Variants in SORCS2 observed in about 807,000 individuals in gnomAD.
The protein encoded by SORCS2 is sortilin related VPS10 domain containing receptor 2, also known as VPS10 domain-containing receptor SorCS2.
A neutral mutation model predicts 141.6 loss-of-function variants in SORCS2; 100 were observed. The observed-to-expected ratio is 0.71, with a 90% confidence interval of 0.60 to 0.83. The LOEUF (loss-of-function observed/expected upper bound fraction) is 0.83, where lower values mean the gene tolerates loss of function less well. SORCS2 is among the 40% of genes least tolerant of loss of function. The probability of loss-of-function intolerance (pLI) is 0.00; values close to 1 mark genes in which losing one functional copy is unlikely to be tolerated. For missense variants in SORCS2, 1,646 were observed against 1,560.2 expected (o/e 1.05, Z -0.93); for synonymous variants, 789 against 676.9 (o/e 1.17, Z -2.57).
intron 2 of SORCS2, among the ~76,000 whole-genome samples, chr4:7,527,074 G>A (rs1023045436): frequency 3.3e-5 from 5 of 152,146 alleles, no homozygotes; most frequent in Non-Finnish European, 5.9e-5. Context: ...CCGACAATGC[G>A]GGTCCAGCCC....
intron 3 of SORCS2, among the ~76,000 whole-genome samples, chr4:7,619,212 A>G (rs989231531): frequency 2.6e-5 from 4 of 152,196 alleles, no homozygotes; most frequent in African/African-American, 7.2e-5. Flanking sequence ...AGGCTACCCA[A>G]TACTTAGCTA....
At chr4:7,638,307 A>G (rs761728278) in intron 3 of SORCS2, 21 bp from the exon 4 acceptor site, 1 of 1,496,684 alleles carries the variant, frequency 6.7e-7, no homozygotes, top group East Asian at 2.6e-5. Flanking sequence ...CCCAGGCCTC[A>G]CAACCCGCTT....
intron 3 of SORCS2, among the ~76,000 whole-genome samples, chr4:7,637,936 G>A (rs1383034124): frequency 2.0e-5 from 3 of 152,054 alleles, no homozygotes; most frequent in Admixed American, 2.0e-4. Context: ...CCTCCCTGGT[G>A]TGTGGAGAAA....
At chr4:7,712,651 T>G (rs943944272) in intron 14 of SORCS2, 82 bp from the exon 15 acceptor site, 22 of 1,578,492 alleles carry the variant, frequency 1.4e-5, no homozygotes, top group Non-Finnish European at 1.8e-5. Flanking sequence ...AGGAACAGAG[T>G]CCAGAGGGGA....
chr4:7,569,542 A>G (rs997941556), intron 3 of SORCS2, among the ~76,000 whole-genome samples: 1 of 152,134 alleles, frequency 6.6e-6, no homozygotes, highest in East Asian at 1.9e-4. Flanking sequence ...ATATCTACAG[A>G]AGGAGGAGGA....
rs780225695 is a variant in SORCS2 at position 7,715,228 on chromosome 4, C to T, written c.2169C>T (p.Asn723=). ...ERSSSSESST[N]KCSANFWFNP... is the part of the protein sequence containing the mutation. ...CCTCCTCCTCAGAGTCCAGCACCAA[C>T]AAGTGCTCTGCCAACTTCTGGTTTA... is the stretch of plus-strand genomic sequence containing the variant. Residue 723 remains asparagine, a synonymous_variant, in exon 17 of 27, where the codon AAC becomes AAT. Transcript: ENST00000507866. 3 of 1,613,912 alleles carry T rather than the reference C, an allele frequency of 1.9e-6. No individual in the cohort carries two copies. The African/African-American group carries it at 4.0e-5, about 22-fold the overall frequency.
chr4:7,724,459 GTGGTGGTGATGGTGA>G (rs1216520158), intron 19 of SORCS2, among the ~76,000 whole-genome samples: 15 of 114,416 alleles, frequency 1.3e-4, no homozygotes, highest in Admixed American at 9.2e-4. Context: ...GGTGGTGATG[GTGGTGGTGATGGTGA>G]TGGTGGTGAT....
chr4:7,708,439 C>T lies in SORCS2; in HGVS notation c.1868+4155C>T, dbSNP rs181405410. Among the ~76,000 whole-genome samples, 1,099 of 152,274 alleles carry T rather than the reference C, an allele frequency of 7.2e-3. 4 individuals are homozygous for T. Among genetic ancestry groups the T allele is most frequent in the Admixed American group, 0.015 (236 of 15,300 alleles). ...GGCCCCCTTCACTGGTCTCACTGAA[C>T]ATCCAGTACCCGCCACGGGTGGGTC... On this transcript the variant is annotated intron_variant, in intron 14 of 26. Coordinates refer to ENST00000507866, the MANE Select transcript of SORCS2 (RefSeq NM_020777.3).
intron 3 of SORCS2, among the ~76,000 whole-genome samples, chr4:7,597,453 A>C (rs1717350790): frequency 7.7e-6 from 1 of 129,490 alleles, no homozygotes; most frequent in Non-Finnish European, 1.6e-5. Context: ...TTACTGCAAT[A>C]GGGAAGAGGA....
chr4:7,386,602 G>T (rs575626263), intron 1 of SORCS2, among the ~76,000 whole-genome samples: 1 of 135,954 alleles, frequency 7.4e-6, no homozygotes, highest in Non-Finnish European at 1.6e-5. Context: ...TTGCACACAC[G>T]CACACATATG....
intron 3 of SORCS2, among the ~76,000 whole-genome samples, chr4:7,601,178 T>C (rs535528502): frequency 2.6e-5 from 4 of 152,348 alleles, no homozygotes; most frequent in East Asian, 3.9e-4. Flanking sequence ...TGAATAAGTA[T>C]CTTTATCTTC....
intron 3 of SORCS2, among the ~76,000 whole-genome samples, chr4:7,627,542 C>T (rs1719592340): frequency 6.6e-6 from 1 of 152,216 alleles, no homozygotes; most frequent in South Asian, 2.1e-4. Context: ...TGACAGATCT[C>T]TCCACCTTGG....
In SORCS2 at chr4:7,734,207, G is replaced by A. The variant is rs984148388; in HGVS notation, c.3209-65G>A. ...GGACGGGTGGGGGACAGACGGGATGGGCTGGGGATGGGACAGGGATGGGCG... is the reference window on the plus strand; with the variant it reads ...GGACGGGTGGGGGACAGACGGGATGAGCTGGGGATGGGACAGGGATGGGCG... On this transcript the variant is annotated intron_variant, in intron 24 of 26. Transcript: ENST00000507866. 20 of 1,245,792 alleles carry A rather than the reference G, an allele frequency of 1.6e-5. No homozygotes were observed. In the South Asian group the frequency reaches 2.7e-4, roughly 17 times the overall value. The allele number at this position is 1,245,792 out of a possible 1,614,324, so 77.2% of individuals were successfully genotyped here.
rs540320759 is a variant in SORCS2, at chr4:7,382,769, G to A, written c.481-13519G>A. Among the ~76,000 whole-genome samples, 59 of 152,234 alleles carry A rather than the reference G, an allele frequency of 3.9e-4. 1 individual carries two copies. The highest frequency in any genetic ancestry group is 7.1e-4 in the Non-Finnish European group (48 of 68,004). On this transcript the variant is annotated intron_variant, in intron 1 of 26. Coordinates refer to ENST00000507866, the MANE Select transcript of SORCS2 (RefSeq NM_020777.3). Reference sequence around the variant, plus strand: ...TGGGGGGCAGGGCTGGGGCTGTCCAGTGGCCCAGGGAGAGAAGAAGGGGCC... The same window carrying A: ...TGGGGGGCAGGGCTGGGGCTGTCCAATGGCCCAGGGAGAGAAGAAGGGGCC...
At chr4:7,382,667 G>A (rs1723059572) in intron 1 of SORCS2, among the ~76,000 whole-genome samples, 1 of 152,134 alleles carries the variant, frequency 6.6e-6, no homozygotes, top group Non-Finnish European at 1.5e-5. Flanking sequence ...TCCTGCCCTG[G>A]GTAAGGGGAG....
intron 14 of SORCS2, among the ~76,000 whole-genome samples, chr4:7,711,701 G>A (rs1479678027): frequency 1.3e-5 from 2 of 152,216 alleles, no homozygotes; most frequent in African/African-American, 4.8e-5. Context: ...ACTGCAAGGA[G>A]GGAGAAGGAA....
intron 1 of SORCS2, among the ~76,000 whole-genome samples, chr4:7,227,925 T>C (rs1577299420): frequency 6.6e-6 from 1 of 152,146 alleles, no homozygotes; most frequent in East Asian, 1.9e-4. Context: ...TGCTTTCTCC[T>C]TCTCTGGGGC....
intron 3 of SORCS2, among the ~76,000 whole-genome samples, chr4:7,598,988 C>A (rs1717472705): frequency 6.6e-6 from 1 of 152,190 alleles, no homozygotes. Flanking sequence ...TTGCAGGCGG[C>A]AGGGTTGAAG....
chr4:7,206,708 T>C (rs1460350223), intron 1 of SORCS2, among the ~76,000 whole-genome samples: 1 of 152,134 alleles, frequency 6.6e-6, no homozygotes, highest in Non-Finnish European at 1.5e-5. Context: ...CACGCCTCCA[T>C]GGTGGGGCCA....
Sources: gnomAD v4.1 joint callset for allele counts (sites outside exome capture counted in the v4.1 genomes callset) on GRCh38, gnomAD v4.1.1 for gene constraint, MANE v1.5 for transcripts, NCBI Gene and HGNC (gene_info 2026-07-23, HGNC 2026-07-21) for gene names.